Variants in YRDC observed in about 807,000 individuals in gnomAD.
YRDC encodes threonylcarbamoyl-AMP synthase.
A neutral mutation model predicts 21.5 loss-of-function variants in YRDC; 17 were observed. That is an observed-to-expected ratio of 0.79 (90% CI 0.54 to 1.19). The LOEUF (loss-of-function observed/expected upper bound fraction) is 1.19, where lower values mean the gene tolerates loss of function less well. Ranked by LOEUF, YRDC falls within the 50% of genes most tolerant of loss-of-function variation. The pLI, the probability that YRDC is intolerant of heterozygous loss-of-function variation, is 0.00. For synonymous variants in YRDC, 193 were observed against 176.7 expected (o/e 1.09, Z -0.73); for missense variants, 380 against 397.1 (o/e 0.96, Z 0.37).
chr1:37,804,093 G>A lies in YRDC; in HGVS notation c.768-96C>T, dbSNP rs1357736987. On this transcript the variant is annotated intron_variant, in intron 4 of 4. Coordinates refer to ENST00000373044, the MANE Select transcript of YRDC (RefSeq NM_024640.4). The stretch of plus-strand genomic sequence containing the variant: ...AGGGACATCGAAACTGGCTAGCCTT[G>A]TTAAGCCCTGTTCATCAACCCTTGA... 3 of 1,512,824 alleles carry A rather than the reference G, an allele frequency of 2.0e-6. No individual in the cohort carries two copies. The African/African-American group carries it at 4.1e-5, about 21-fold the overall frequency. The allele number at this position is 1,512,824 out of a possible 1,614,324, so 93.7% of individuals were successfully genotyped here.
In YRDC at chr1:37,803,595, T is replaced by G; in HGVS notation, c.*330A>C. On this transcript the variant is annotated 3_prime_UTR_variant, in exon 5 of 5. Coordinates refer to ENST00000373044, the MANE Select transcript of YRDC (RefSeq NM_024640.4). Reference sequence around the variant, plus strand: ...CAGAGAGGAGGCTCTCACTAGATTCTAAATCTGTTATTTAATTACTTTTCA... The same window carrying G: ...CAGAGAGGAGGCTCTCACTAGATTCGAAATCTGTTATTTAATTACTTTTCA... 1 of 250,732 alleles carries G rather than the reference T, an allele frequency of 4.0e-6. No individual in the cohort carries two copies. The highest frequency in any genetic ancestry group is 7.0e-5 in the South Asian group (1 of 14,356). The allele number at this position is 250,732 out of a possible 1,614,324, so 15.5% of individuals were successfully genotyped here.
chr1:37,807,670 C>G lies in YRDC; in HGVS notation c.389+122G>C, dbSNP rs1646749337. On this transcript the variant is annotated intron_variant, in intron 1 of 4. Transcript: ENST00000373044. Reference sequence around the variant, plus strand: ...AGTCCTCGGTACATATTTCCAGTTCCGGATTCCTTGGTGAGCCTGGACAAG... The same window carrying G: ...AGTCCTCGGTACATATTTCCAGTTCGGGATTCCTTGGTGAGCCTGGACAAG... 5.2e-6 allele frequency: 7 copies of G among 1,336,080 alleles called. No individual in the cohort carries two copies. In the East Asian group the frequency reaches 1.8e-4, roughly 34 times the overall value. 82.8% of individuals were successfully genotyped at this position (1,336,080 alleles called of 1,614,324 possible). A position where few individuals can be genotyped will look rare whatever the true frequency, so the allele number is the denominator to read the frequency against.
rs1013997106 is a variant in YRDC, at chr1:37,807,802, C to G, written c.379G>C (p.Asp127His). The stretch of plus-strand genomic sequence containing the variant: ...TCGGGGCGGCCTTACCTGTAGACGT[C>G]GGCCACGCGGCCGAGGCATACGGCC... ...PLAVCLGRVA[D>H]VYRYCRVRVP... The change falls in exon 1 of 5, where the codon GAC (aspartate) becomes CAC (histidine). Residue 127 changes from aspartate (D) to histidine (H), a missense_variant. By Grantham distance (81) the Asp-to-His change is moderately conservative. This residue lies in a region of YRDC where 238 missense variants were observed against 236.5 expected (regional missense o/e 1.01). Coordinates refer to ENST00000373044, the MANE Select transcript of YRDC (RefSeq NM_024640.4). 2.0e-6 allele frequency: 3 copies of G among 1,508,316 alleles called. No individual in the cohort carries two copies. The highest frequency in any genetic ancestry group is 1.8e-6 in the Non-Finnish European group (2 of 1,132,706). The allele number at this position is 1,508,316 out of a possible 1,614,324, so 93.4% of individuals were successfully genotyped here.
intron 3 of YRDC, among the ~76,000 whole-genome samples, chr1:37,805,435 G>C (rs1354435818): frequency 1.3e-5 from 2 of 152,178 alleles, no homozygotes; most frequent in Non-Finnish European, 2.9e-5. Flanking sequence ...CCAGCACTCA[G>C]TCTTTGGGCT....
rs748517400 is a variant in YRDC, at chr1:37,806,871, A to T, written c.610T>A (p.Ser204Thr). The part of the protein sequence containing the change: ...TSANLSSQAS[S>T]LNVEEFQDLW... ...GGTAAACTCACCTCGACATTCAGAG[A>T]ACTGGCCTGGGAGCTGAGGTTGGCA... Residue 204 changes from serine to threonine, a missense_variant, in exon 3 of 5, where the codon TCT (serine) becomes ACT (threonine). Around this residue, in one of 3 missense-constraint regions of YRDC, gnomAD observed 238 missense variants for 236.5 expected, o/e 1.01. Transcript: ENST00000373044. The T allele has an allele frequency of 6.2e-7, 1 of 1,614,048 alleles. No homozygotes were observed. The highest frequency in any genetic ancestry group is 1.3e-5 in the African/African-American group (1 of 74,914).
chr1:37,805,278 A>C (rs2148390728), intron 3 of YRDC, among the ~76,000 whole-genome samples: 1 of 152,348 alleles, frequency 6.6e-6, no homozygotes, highest in East Asian at 1.9e-4. Context: ...AAACAAAAAA[A>C]AACTAGGTAA....
chr1:37,804,091 T>C (rs955497693), intron 4 of YRDC, 94 bp from the exon 5 acceptor site: 26 of 1,526,936 alleles, frequency 1.7e-5, no homozygotes, highest in Non-Finnish European at 2.3e-5. Flanking sequence ...CTGGCTAGCC[T>C]TGTTAAGCCC....
At chr1:37,807,309 G>C (rs957313590) in intron 1 of YRDC, 94 bp from the exon 2 acceptor site, 12 of 1,218,650 alleles carry the variant, frequency 9.8e-6, no homozygotes, top group Non-Finnish European at 1.3e-5. Flanking sequence ...GGAATCCTTC[G>C]AGTTTACAAT....
At chr1:37,807,018 G>C (rs1304422132) in intron 2 of YRDC, 42 bp from the exon 3 acceptor site, 5 of 1,613,976 alleles carry the variant, frequency 3.1e-6, no homozygotes, top group South Asian at 1.1e-5. Context: ...AGGTTGGAAG[G>C]GATAAGAGGG....
At chr1:37,807,308 C>T in intron 1 of YRDC, 93 bp from the exon 2 acceptor site, 1 of 1,226,796 alleles carries the variant, frequency 8.2e-7, no homozygotes, top group Non-Finnish European at 1.2e-6. Context: ...AGGAATCCTT[C>T]GAGTTTACAA....
Position 37,803,841 on chromosome 1 carries a change from C to A in YRDC, c.*84G>T. On this transcript the variant is annotated 3_prime_UTR_variant, in exon 5 of 5. Coordinates refer to ENST00000373044, the MANE Select transcript of YRDC (RefSeq NM_024640.4). The stretch of plus-strand genomic sequence containing the variant: ...GCTAGTGCCCTAGCTCCGGTGGCCT[C>A]TGCAAATGAGGCCTTGACAGTCGTC... The A allele has an allele frequency of 6.6e-7, 1 of 1,514,998 alleles. No individual in the cohort carries two copies. 93.8% of individuals were successfully genotyped at this position (1,514,998 alleles called of 1,614,324 possible).
In YRDC at chr1:37,804,333, G is replaced by A. The variant is rs199640385; in HGVS notation, c.736C>T (p.Pro246Ser). 96 of 1,613,928 alleles carry A rather than the reference G, an allele frequency of 5.9e-5. 1 individual carries two copies. The highest frequency in any genetic ancestry group is 1.9e-5 in the Non-Finnish European group (22 of 1,179,964). The change falls in exon 4 of 5, where the codon CCC becomes TCC. Residue 246 changes from proline to serine, a missense_variant. By Grantham distance (74) the Pro-to-Ser change is moderately conservative. Coordinates refer to ENST00000373044, the MANE Select transcript of YRDC (RefSeq NM_024640.4). ...GGACGAATGATGCCAAACTTTCCGG[G>A]CACAGACAAATCAACCACAGTTGAG... ...LGSTVVDLSV[P>S]GKFGIIRPGC... is the part of the protein sequence containing the mutation.
In YRDC at chr1:37,803,159, G is replaced by T. The variant is rs1646713666; in HGVS notation, c.*766C>A. 1 of 152,146 alleles carries T rather than the reference G, an allele frequency of 6.6e-6. No individual in the cohort carries two copies. Among genetic ancestry groups the T allele is most frequent in the Non-Finnish European group, 1.5e-5 (1 of 68,034 alleles). The allele number at this position is 152,146 out of a possible 1,614,324, so 9.4% of individuals were successfully genotyped here. A position where few individuals can be genotyped will look rare whatever the true frequency, so the allele number is the denominator to read the frequency against. ...TCCCTGGCTATAAAGGATAGTGGAG[G>T]TTTATTTCCCAATATTCTTCCATTT... On this transcript the variant is annotated 3_prime_UTR_variant, in exon 5 of 5. Coordinates refer to ENST00000373044, the MANE Select transcript of YRDC (RefSeq NM_024640.4).
chr1:37,807,054 A>T, intron 2 of YRDC, 47 bp downstream of exon 2: 2 of 1,613,896 alleles, frequency 1.2e-6, no homozygotes, highest in South Asian at 2.2e-5. Flanking sequence ...TCCTAGTGAA[A>T]GCCAAGTGGC....
rs570095037 is a variant in YRDC, at chr1:37,804,168, C to T, written c.767+134G>A. 1.8e-5 allele frequency: 26 copies of T among 1,462,684 alleles called. 1 individual carries two copies. The South Asian group carries it at 3.0e-4, about 17-fold the overall frequency. 90.6% of individuals were successfully genotyped at this position (1,462,684 alleles called of 1,614,324 possible). Reference sequence around the variant, plus strand: ...GCCAGGAAACTTAGTCCCACTGCAACTACCACTTCTCCAAACCTGGCCCAC... The same window carrying T: ...GCCAGGAAACTTAGTCCCACTGCAATTACCACTTCTCCAAACCTGGCCCAC... On this transcript the variant is annotated intron_variant, in intron 4 of 4. Transcript: ENST00000373044.
intron 1 of YRDC, 128 bp from the exon 2 acceptor site, chr1:37,807,343 C>T: frequency 2.3e-6 from 2 of 877,572 alleles, no homozygotes; most frequent in Non-Finnish European, 3.5e-6. Flanking sequence ...CTCCCTGCTT[C>T]ACCTCCCTAA....
chr1:37,805,553 G>A (rs1646729072), intron 3 of YRDC, among the ~76,000 whole-genome samples: 1 of 152,194 alleles, frequency 6.6e-6, no homozygotes, highest in South Asian at 2.1e-4. Context: ...CTGGAAATCT[G>A]GGACAGGAAA....
rs1163490834 is a variant in YRDC at position 37,806,889 on chromosome 1, G to C, written c.592C>G (p.Leu198Val). ...TTCAGAGAACTGGCCTGGGAGCTGAGGTTGGCACTAGTGAGAGCAAGCGGA... is the reference window on the plus strand; with the variant it reads ...TTCAGAGAACTGGCCTGGGAGCTGACGTTGGCACTAGTGAGAGCAAGCGGA... ...EGPLALTSAN[L>V]SSQASSLNVE... Residue 198 changes from leucine to valine, a missense_variant, in exon 3 of 5, where the codon CTC becomes GTC. Coordinates refer to ENST00000373044, the MANE Select transcript of YRDC (RefSeq NM_024640.4). 1 of 1,614,190 alleles carries C rather than the reference G, an allele frequency of 6.2e-7. No homozygotes were observed. The highest frequency in any genetic ancestry group is 8.5e-7 in the Non-Finnish European group (1 of 1,180,038).
chr1:37,804,021 C>A, intron 4 of YRDC, 24 bp from the exon 5 acceptor site: 1 of 1,613,682 alleles, frequency 6.2e-7, no homozygotes, highest in South Asian at 1.1e-5. Flanking sequence ...AGGACAGTTA[C>A]CAGTCTGACT....
Sources: allele counts gnomAD v4.1 joint callset (sites outside exome capture counted in the v4.1 genomes callset), GRCh38; gene constraint gnomAD v4.1.1; regional missense constraint gnomAD v4.1.1; transcripts MANE v1.5; gene names NCBI Gene and HGNC (gene_info 2026-07-23, HGNC 2026-07-21).